TMEM45A: variants seen among roughly 807,000 people sequenced by gnomAD.
The protein encoded by TMEM45A is transmembrane protein 45A.
Under a neutral mutation model 32.0 loss-of-function variants are expected in TMEM45A, and 25 were observed. That is an observed-to-expected ratio of 0.78 (90% CI 0.57 to 1.09). The LOEUF is 1.09. TMEM45A is among the 50% of genes least tolerant of loss of function. The pLI is 0.00. For synonymous variants in TMEM45A, 122 were observed against 114.8 expected (o/e 1.06, Z -0.40); for missense variants, 302 against 325.0 (o/e 0.93, Z 0.54).
chr3:100,516,544 C>G (rs1035820837), intron 1 of TMEM45A, among the ~76,000 whole-genome samples: 3 of 152,180 alleles, frequency 2.0e-5, no homozygotes, highest in African/African-American at 7.2e-5. Context: ...CCATCGCAGT[C>G]TTATTCCCAC....
intron 4 of TMEM45A, among the ~76,000 whole-genome samples, chr3:100,561,798 TAGGACA>T (rs1706337372): frequency 1.3e-5 from 2 of 152,184 alleles, no homozygotes; most frequent in African/African-American, 4.8e-5. Flanking sequence ...TCTTGTTTTT[TAGGACA>T]GTTGCTTCCA....
intron 1 of TMEM45A, among the ~76,000 whole-genome samples, chr3:100,515,474 G>C (rs915587908): frequency 5.2e-5 from 6 of 115,690 alleles, no homozygotes; most frequent in Non-Finnish European, 9.9e-5. Context: ...TCTGGGGACT[G>C]TTATGGGGTG....
At chr3:100,562,200 CTT>C (rs111846712) in intron 4 of TMEM45A, among the ~76,000 whole-genome samples, 4 of 145,784 alleles carry the variant, frequency 2.7e-5, no homozygotes, top group East Asian at 2.0e-4. Context: ...GCAAGAAAAA[CTT>C]TTTTTTTTTG....
intron 1 of TMEM45A, among the ~76,000 whole-genome samples, chr3:100,541,739 T>A (rs7618030): frequency 5.9e-5 from 9 of 151,704 alleles, no homozygotes; most frequent in Non-Finnish European, 1.3e-4. Flanking sequence ...CCATGTTGCC[T>A]AGGCTGGTCT....
chr3:100,507,340 G>C (rs756219070), intron 1 of TMEM45A, among the ~76,000 whole-genome samples: 1 of 152,130 alleles, frequency 6.6e-6, no homozygotes, highest in Non-Finnish European at 1.5e-5. Flanking sequence ...AAATCTTTTG[G>C]CTGCTGGAAA....
At position 100,509,345 on chromosome 3, in the gene TMEM45A, TTAGTA is replaced by T. The variant is rs1296696540; in HGVS notation, c.-4+16421_-4+16425del. ...TACACATTGTTGGTGAGAATGTAAA[TTAGTA>T]TAGCCATTATGGAAAACAATATGGG... On this transcript the variant is annotated intron_variant, in intron 1 of 5. Coordinates refer to ENST00000323523, the MANE Select transcript of TMEM45A (RefSeq NM_018004.3). Among the ~76,000 whole-genome samples the T allele has an allele frequency of 2.0e-5, 3 of 152,178 alleles. No homozygotes were observed. In the East Asian group the frequency reaches 5.8e-4, roughly 29 times the overall value.
intron 1 of TMEM45A, among the ~76,000 whole-genome samples, chr3:100,547,567 G>A (rs1322621112): frequency 1.3e-5 from 2 of 151,826 alleles, no homozygotes; most frequent in African/African-American, 4.8e-5. Context: ...ATGTTGAATA[G>A]GCTGAGGAGG....
chr3:100,574,443 A>T (rs575622900), intron 5 of TMEM45A: 1 of 152,352 alleles, frequency 6.6e-6, no homozygotes, highest in African/African-American at 2.4e-5. Context: ...TCCCAAGACT[A>T]AACCAGGAAG....
chr3:100,497,927 T>G (rs1053112345), intron 1 of TMEM45A, among the ~76,000 whole-genome samples: 1 of 152,212 alleles, frequency 6.6e-6, no homozygotes, highest in African/African-American at 2.4e-5. Flanking sequence ...AAGATATTTT[T>G]TAGTTGATGA....
intron 1 of TMEM45A, among the ~76,000 whole-genome samples, chr3:100,537,568 C>G (rs187669191): frequency 6.6e-6 from 1 of 152,156 alleles, no homozygotes; most frequent in Non-Finnish European, 1.5e-5. Flanking sequence ...ACCCAAAATA[C>G]GCTCCAGTGT....
intron 4 of TMEM45A, among the ~76,000 whole-genome samples, chr3:100,567,886 G>T (rs1284009325): frequency 6.6e-6 from 1 of 152,094 alleles, no homozygotes; most frequent in African/African-American, 2.4e-5. Flanking sequence ...CTGGGTTCAC[G>T]CCATTCTCCT....
chr3:100,539,503 G>GTATACA lies in TMEM45A; in HGVS notation c.-3-15701_-3-15700insATATAC, dbSNP rs1705820762. Among the ~76,000 whole-genome samples, 6 of 147,288 alleles carry GTATACA rather than the reference G, an allele frequency of 4.1e-5. 1 individual carries two copies. Among genetic ancestry groups the GTATACA allele is most frequent in the South Asian group, 2.1e-4 (1 of 4,766 alleles). ...TGTATATGTATATGTATACGTATAC[G>GTATACA]TATACGTATACGTATATGTGGGGAA... On this transcript the variant is annotated intron_variant, in intron 1 of 5. Transcript: ENST00000323523.
intron 5 of TMEM45A, chr3:100,573,818 G>A (rs1706623966): frequency 6.6e-6 from 1 of 152,174 alleles, no homozygotes; most frequent in South Asian, 2.1e-4. Flanking sequence ...AAGGGTTGTT[G>A]AATTTTGTCA....
intron 1 of TMEM45A, among the ~76,000 whole-genome samples, chr3:100,536,996 A>G (rs930774390): frequency 6.6e-5 from 10 of 152,180 alleles, no homozygotes; most frequent in Non-Finnish European, 4.4e-5. Flanking sequence ...ATCTCGGCTC[A>G]CTACAACTTC....
intron 1 of TMEM45A, among the ~76,000 whole-genome samples, chr3:100,518,425 T>C (rs947974078): frequency 6.6e-6 from 1 of 152,222 alleles, no homozygotes; most frequent in Middle Eastern, 3.2e-3. Context: ...TGCATACTTA[T>C]TTAGAGTCTG....
At chr3:100,498,523 AG>A (rs1235807165) in intron 1 of TMEM45A, among the ~76,000 whole-genome samples, 1 of 152,156 alleles carries the variant, frequency 6.6e-6, no homozygotes, top group Non-Finnish European at 1.5e-5. Context: ...TGGACTTGCT[AG>A]CCTTCACAAT....
chr3:100,502,776 A>G (rs890488265), intron 1 of TMEM45A, among the ~76,000 whole-genome samples: 1 of 152,168 alleles, frequency 6.6e-6, no homozygotes, highest in Admixed American at 6.5e-5. Context: ...TGGTCTAAAT[A>G]CTTTATATTA....
intron 1 of TMEM45A, among the ~76,000 whole-genome samples, 166 bp downstream of exon 1, chr3:100,493,094 T>C (rs1241759180): frequency 6.6e-6 from 1 of 151,268 alleles, no homozygotes; most frequent in Non-Finnish European, 1.5e-5. Context: ...ACTAACATTT[T>C]AATTTAATTT....
intron 1 of TMEM45A, among the ~76,000 whole-genome samples, chr3:100,499,754 G>A (rs945225983): frequency 2.0e-5 from 3 of 152,120 alleles, no homozygotes; most frequent in Non-Finnish European, 2.9e-5. Flanking sequence ...GCATGTGCCT[G>A]TAATCCCAGC....
Sources: allele counts gnomAD v4.1 joint callset (sites outside exome capture counted in the v4.1 genomes callset), GRCh38; gene constraint gnomAD v4.1.1; transcripts MANE v1.5; gene names NCBI Gene and HGNC (gene_info 2026-07-23, HGNC 2026-07-21).